TULP4: variants seen among roughly 807,000 people sequenced by gnomAD.
TULP4 encodes TUB like protein 4.
In TULP4, 16 loss-of-function variants were observed where a neutral mutation model predicts 129.0. That is an observed-to-expected ratio of 0.12 (90% CI 0.08 to 0.19). TULP4 has a LOEUF of 0.19. TULP4 is among the 10% of genes least tolerant of loss of function. The pLI, the probability that TULP4 is intolerant of heterozygous loss-of-function variation, is 1.00. For missense variants in TULP4, 1,842 were observed against 2,059.1 expected (o/e 0.89, Z 2.04); for synonymous variants, 998 against 854.0 (o/e 1.17, Z -2.94).
chr6:158,504,027 A>G lies in TULP4; in HGVS notation c.4364A>G (p.Asp1455Gly). ...AKCRRASEKE[D>G]GRLGSQGFVY... ...TGCCGGCGGGCCAGTGAGAAGGAGG[A>G]CGGGCGGCTGGGCAGCCAAGGCTTC... Residue 1455 changes from aspartate to glycine, a missense_variant, in exon 13 of 14, where the codon GAC becomes GGC. By Grantham distance (94) the Asp-to-Gly change is moderately conservative. Around this residue, in one of 5 missense-constraint regions of TULP4, gnomAD observed 1,089 missense variants for 987.1 expected, o/e 1.10. Coordinates refer to ENST00000367097, the MANE Select transcript of TULP4 (RefSeq NM_020245.5). 1 of 1,611,500 alleles carries G rather than the reference A, an allele frequency of 6.2e-7. No homozygotes were observed. The highest frequency in any genetic ancestry group is 2.2e-5 in the East Asian group (1 of 44,804).
intron 1 of TULP4, among the ~76,000 whole-genome samples, chr6:158,321,640 G>A (rs1056785038): frequency 5.9e-5 from 9 of 151,976 alleles, no homozygotes; most frequent in African/African-American, 2.2e-4. Context: ...ATCTCCCTGC[G>A]CTTCCCTTGT....
intron 8 of TULP4, 87 bp from the exon 9 acceptor site, chr6:158,489,501 G>T (rs1010490359): frequency 9.2e-6 from 14 of 1,521,450 alleles, no homozygotes; most frequent in Middle Eastern, 2.3e-4. Flanking sequence ...TGTGGAGTCC[G>T]TCTGTCTTTT....
rs750947266 is a variant in TULP4 at position 158,503,038 on chromosome 6, C to A, written c.3375C>A (p.Asp1125Glu). 13 of 1,614,154 alleles carry A rather than the reference C, an allele frequency of 8.1e-6. No homozygotes were observed. The highest frequency in any genetic ancestry group is 1.1e-5 in the Non-Finnish European group (13 of 1,180,024). Residue 1125 changes from aspartate (D) to glutamate (E), a missense_variant, in exon 13 of 14, where the codon GAC becomes GAA. Asp to Glu is a conservative substitution (Grantham distance 45, BLOSUM62 2). Transcript: ENST00000367097. The surrounding 1 kb of genome is among the most constrained non-coding windows in gnomAD (Gnocchi z 4.3). ...AACGGCCACCCCCTTACCAGTGGGA[C>A]CCCATGCTGGGTGAGGATGTTTGGG... ...TLKRPPPYQW[D>E]PMLGEDVWVP...
chr6:158,258,535 C>T (rs555876139), intron 1 of TULP4, among the ~76,000 whole-genome samples: 3 of 152,114 alleles, frequency 2.0e-5, no homozygotes, highest in Non-Finnish European at 2.9e-5. Context: ...TTAAGGAAGT[C>T]GTTGAGGTTC....
At chr6:158,424,936 A>G (rs620114) in intron 2 of TULP4, among the ~76,000 whole-genome samples, 36,545 of 149,218 alleles carry the variant, frequency 0.24, 5,652 homozygotes, top group Middle Eastern at 0.36. Context: ...GGCGGATCAC[A>G]AGGTCAGGAG....
At chr6:158,382,523 T>G (rs116896562) in intron 1 of TULP4, among the ~76,000 whole-genome samples, 1 of 152,168 alleles carries the variant, frequency 6.6e-6, no homozygotes, top group Non-Finnish European at 1.5e-5. Flanking sequence ...TGAGAAAACT[T>G]TGGAGTCCAG....
At chr6:158,498,321 G>C (rs757081106) in intron 11 of TULP4, among the ~76,000 whole-genome samples, 1 of 152,132 alleles carries the variant, frequency 6.6e-6, no homozygotes, top group Non-Finnish European at 1.5e-5. Context: ...CTGCAAATGA[G>C]GTTTTTAAAA....
intron 1 of TULP4, among the ~76,000 whole-genome samples, chr6:158,296,268 C>T: frequency 6.6e-6 from 1 of 152,062 alleles, no homozygotes. Flanking sequence ...CTCAAGCAAT[C>T]CTCCCATATT....
chr6:158,339,085 C>T (rs961476411), intron 1 of TULP4, among the ~76,000 whole-genome samples: 10 of 152,122 alleles, frequency 6.6e-5, no homozygotes, highest in East Asian at 1.9e-4. Flanking sequence ...AGTAATTCAA[C>T]GTGAGTCCTT....
At chr6:158,327,924 T>C (rs1257041582) in intron 1 of TULP4, among the ~76,000 whole-genome samples, 1 of 152,194 alleles carries the variant, frequency 6.6e-6, no homozygotes, top group Non-Finnish European at 1.5e-5. Context: ...CTTTATTGTA[T>C]TATATAATGA....
intron 6 of TULP4, among the ~76,000 whole-genome samples, chr6:158,467,440 C>T (rs762529903): frequency 3.3e-5 from 5 of 152,056 alleles, no homozygotes; most frequent in South Asian, 2.1e-4. Flanking sequence ...CCACCACACC[C>T]GGCTAATTTT....
chr6:158,371,167 A>G (rs1777061242), intron 1 of TULP4, among the ~76,000 whole-genome samples: 1 of 152,240 alleles, frequency 6.6e-6, no homozygotes. Context: ...ACATGAGGAA[A>G]AAAATATCGT....
intron 2 of TULP4, among the ~76,000 whole-genome samples, chr6:158,421,166 C>T (rs1465359587): frequency 1.3e-5 from 2 of 152,136 alleles, no homozygotes; most frequent in African/African-American, 4.8e-5. Flanking sequence ...TCAAGACCAT[C>T]CTGGCTAACA....
At chr6:158,369,330 C>CA (rs1412275513) in intron 1 of TULP4, among the ~76,000 whole-genome samples, 1 of 151,932 alleles carries the variant, frequency 6.6e-6, no homozygotes, top group Non-Finnish European at 1.5e-5. Flanking sequence ...CCTGTCTCTA[C>CA]AAAAAATTAA....
At position 158,502,000 on chromosome 6, in the gene TULP4, G is replaced by T. The variant is rs201690762; in HGVS notation, c.2337G>T (p.Pro779=). 8.1e-6 allele frequency: 13 copies of T among 1,610,062 alleles called. No individual in the cohort carries two copies. In the Admixed American group the frequency reaches 1.7e-4, roughly 21 times the overall value. The change falls in exon 13 of 14, where the codon CCG becomes CCT. Residue 779 remains proline, a synonymous_variant. Coordinates refer to ENST00000367097, the MANE Select transcript of TULP4 (RefSeq NM_020245.5). ...CTCCACTGTCCCTGCCTCCCCCGCC[G>T]CAGGGGCCCATGCAGCTGTCCACGG... ...NPPPLSLPPP[P]QGPMQLSTVG...
intron 3 of TULP4, among the ~76,000 whole-genome samples, chr6:158,431,040 A>G (rs1778616723): frequency 6.6e-6 from 1 of 152,168 alleles, no homozygotes; most frequent in Non-Finnish European, 1.5e-5. Context: ...TATGAGATTT[A>G]TGAAAAGGTA....
At chr6:158,237,947 C>T (rs1377814487) in intron 1 of TULP4, 1 of 728,238 alleles carries the variant, frequency 1.4e-6, no homozygotes, top group Non-Finnish European at 2.6e-6. Context: ...CTAATTGCCT[C>T]CTCCCGCCCA....
rs371155122 is a variant in TULP4 at position 158,502,810 on chromosome 6, C to T, written c.3147C>T (p.Pro1049=). 109 of 1,611,878 alleles carry T rather than the reference C, an allele frequency of 6.8e-5. No homozygotes were observed. Among genetic ancestry groups the T allele is most frequent in the East Asian group, 2.5e-4 (11 of 44,850 alleles). Residue 1049 remains proline, a synonymous_variant, in exon 13 of 14, where the codon CCC becomes CCT. Transcript: ENST00000367097. ...GTGGCACAGGGCCCAGCTCACAGCC[C>T]GGAGCCTCCCTGGCCCATACCGCCA... ...QCSGTGPSSQ[P]GASLAHTASA...
rs1780490118 is a variant in TULP4 at position 158,502,750 on chromosome 6, G to A, written c.3087G>A (p.Arg1029=). 2 of 1,588,490 alleles carry A rather than the reference G, an allele frequency of 1.3e-6. No homozygotes were observed. The highest frequency in any genetic ancestry group is 1.3e-5 in the African/African-American group (1 of 74,556). The change falls in exon 13 of 14, where the codon CGG becomes CGA. Residue 1029 remains arginine, a synonymous_variant. Coordinates refer to ENST00000367097, the MANE Select transcript of TULP4 (RefSeq NM_020245.5). ...PGGVVTQLPA[R]PPPALYTCSQ... ...GGGTGGTGACACAGCTCCCAGCGCGGCCCCCACCTGCCCTGTACACCTGCA... is the reference window on the plus strand; with the variant it reads ...GGGTGGTGACACAGCTCCCAGCGCGACCCCCACCTGCCCTGTACACCTGCA...
Sources: gnomAD v4.1 joint callset for allele counts (sites outside exome capture counted in the v4.1 genomes callset) on GRCh38, gnomAD v4.1.1 for gene constraint, gnomAD v4.1.1 regional missense constraint, Gnocchi (gnomAD v3.1) non-coding constraint, MANE v1.5 for transcripts, NCBI Gene and HGNC (gene_info 2026-07-23, HGNC 2026-07-21) for gene names.